The following MTRF1 variants were observed in gnomAD, a reference collection of about 807,000 sequenced individuals.
MTRF1 encodes mitochondrial translation release factor 1.
A neutral mutation model predicts 62.9 loss-of-function variants in MTRF1; 51 were observed. The observed-to-expected ratio is 0.81, with a 90% confidence interval of 0.65 to 1.02. The LOEUF (loss-of-function observed/expected upper bound fraction) is 1.02, where lower values mean the gene tolerates loss of function less well. Among genes scored for constraint, MTRF1 ranks in the 50% least tolerant of loss-of-function variants. The pLI, the probability that MTRF1 is intolerant of heterozygous loss-of-function variation, is 0.00. For synonymous variants in MTRF1, 158 were observed against 181.9 expected, an observed-to-expected ratio of 0.87 and a Z score of 1.06; for missense variants, 446 against 530.0, an observed-to-expected ratio of 0.84 and a Z score of 1.56.
the MTRF1 span, among the ~76,000 whole-genome samples, chr13:41,283,716 A>C: frequency 2.1e-5 from 3 of 143,930 alleles, no homozygotes; most frequent in African/African-American, 7.8e-5. Flanking sequence ...CAGCCTCCCG[A>C]GTAGCTGGGA....
At chr13:41,249,009 A>G (rs1047142948) in intron 5 of MTRF1, among the ~76,000 whole-genome samples, 1 of 152,142 alleles carries the variant, frequency 6.6e-6, no homozygotes, top group Admixed American at 6.6e-5. Flanking sequence ...AAATGACATG[A>G]CTTTGAAAGT....
At chr13:41,247,049 G>C (rs2038362341) in intron 5 of MTRF1, among the ~76,000 whole-genome samples, 1 of 152,220 alleles carries the variant, frequency 6.6e-6, no homozygotes, top group Non-Finnish European at 1.5e-5. Context: ...AGTGCCTCAA[G>C]GCATATGCAG....
chr13:41,304,613 G>C, the MTRF1 span, among the ~76,000 whole-genome samples: 2 of 152,244 alleles, frequency 1.3e-5, no homozygotes, highest in Non-Finnish European at 2.9e-5. Context: ...GTACATGCCA[G>C]AGAACAAAGG....
chr13:41,301,927 C>T, the MTRF1 span, among the ~76,000 whole-genome samples: 22 of 152,082 alleles, frequency 1.4e-4, no homozygotes, highest in African/African-American at 5.1e-4. Context: ...GTTGATCTTT[C>T]CTGGCTATTT....
Position 41,226,525 on chromosome 13 carries a change from A to T in MTRF1, c.1032T>A (p.Asn344Lys). 1 of 1,613,858 alleles carries T rather than the reference A, an allele frequency of 6.2e-7. No individual in the cohort carries two copies. Among genetic ancestry groups the T allele is most frequent in the East Asian group, 2.2e-5 (1 of 44,862 alleles). Residue 344 changes from asparagine (N) to lysine (K), a missense_variant, in exon 8 of 10, where the codon AAT becomes AAA. By Grantham distance (94) the Asn-to-Lys change is moderately conservative. Coordinates refer to ENST00000379480, the MANE Select transcript of MTRF1 (RefSeq NM_004294.4). ...ECQQERSQIK[N>K]KEIAFRVLRA... is the part of the protein sequence containing the mutation. ...TCAACACACGAAAGGCTATTTCTTT[A>T]TTTTTTATCTGTGATCTTTCTTGTT...
At position 41,244,326 on chromosome 13, in the gene MTRF1, C is replaced by T. The variant is rs7989132; in HGVS notation, c.698-3893G>A. Among the ~76,000 whole-genome samples, 709 of 152,332 alleles carry T rather than the reference C, an allele frequency of 4.7e-3. 6 individuals are homozygous for T. Among genetic ancestry groups the T allele is most frequent in the African/African-American group, 0.016 (650 of 41,578 alleles). The stretch of plus-strand genomic sequence containing the variant: ...ATAAGTCTCAAGGTCTTTGTTTCTA[C>T]GTGCCTAATGGGTCTTTTCCCTTTT... On this transcript the variant is annotated intron_variant, in intron 5 of 9. Transcript: ENST00000379480.
the MTRF1 span, among the ~76,000 whole-genome samples, chr13:41,293,464 C>G: frequency 1.3e-5 from 2 of 152,142 alleles, no homozygotes; most frequent in Non-Finnish European, 2.9e-5. Flanking sequence ...ATATCTGAAG[C>G]TGTCATGGTT....
chr13:41,309,942 G>A, the MTRF1 span, among the ~76,000 whole-genome samples: 1 of 152,306 alleles, frequency 6.6e-6, no homozygotes, highest in Middle Eastern at 3.4e-3. Context: ...GTTACAGGGA[G>A]CTGAGATAGC....
chr13:41,260,969 C>G, intron 1 of MTRF1, 54 bp from the exon 2 acceptor site: 1 of 1,427,724 alleles, frequency 7.0e-7, no homozygotes, highest in Non-Finnish European at 9.4e-7. Context: ...AAGATACATG[C>G]ATAATAAACC....
At chr13:41,227,040 G>A (rs572547829) in intron 7 of MTRF1, among the ~76,000 whole-genome samples, 4 of 152,006 alleles carry the variant, frequency 2.6e-5, no homozygotes, top group African/African-American at 4.8e-5. Flanking sequence ...CCTGTAATCC[G>A]AGGATTTTGG....
At chr13:41,252,902 T>G in intron 4 of MTRF1, 47 bp downstream of exon 4, 1 of 1,465,068 alleles carries the variant, frequency 6.8e-7, no homozygotes, top group Non-Finnish European at 9.4e-7. Flanking sequence ...TAAGGTAAAA[T>G]TCAAGGACTT....
the MTRF1 span, among the ~76,000 whole-genome samples, chr13:41,309,918 C>T: frequency 3.9e-5 from 6 of 152,240 alleles, no homozygotes; most frequent in African/African-American, 1.4e-4. Flanking sequence ...ATCGCTTGAA[C>T]CTGGGAGGCG....
chr13:41,218,184 C>T (rs9590575), intron 9 of MTRF1, among the ~76,000 whole-genome samples: 6 of 150,538 alleles, frequency 4.0e-5, no homozygotes, highest in Admixed American at 2.0e-4. Flanking sequence ...GGTGTGATCT[C>T]GGCTCACTGC....
the MTRF1 span, among the ~76,000 whole-genome samples, chr13:41,284,863 C>A: frequency 6.6e-6 from 1 of 152,028 alleles, no homozygotes; most frequent in Non-Finnish European, 1.5e-5. Context: ...CATGTTGGCC[C>A]GGCTGGTCTT....
intron 6 of MTRF1, among the ~76,000 whole-genome samples, chr13:41,239,313 A>G (rs1203025399): frequency 6.6e-6 from 1 of 152,204 alleles, no homozygotes; most frequent in African/African-American, 2.4e-5. Context: ...GATATTAGAT[A>G]TTATACAATT....
chr13:41,271,795 G>C, the MTRF1 span, among the ~76,000 whole-genome samples: 1 of 152,172 alleles, frequency 6.6e-6, no homozygotes, highest in East Asian at 1.9e-4. Context: ...TTGGAACTGA[G>C]AAAACTCAGT....
At chr13:41,309,642 T>G in the MTRF1 span, among the ~76,000 whole-genome samples, 1 of 151,742 alleles carries the variant, frequency 6.6e-6, no homozygotes, top group Non-Finnish European at 1.5e-5. Flanking sequence ...CGTAGGAGAT[T>G]GAAAGAAAAA....
intron 7 of MTRF1, among the ~76,000 whole-genome samples, chr13:41,228,479 T>C (rs1416812156): frequency 1.3e-5 from 2 of 152,080 alleles, no homozygotes; most frequent in Non-Finnish European, 2.9e-5. Context: ...GGTAGGAGGA[T>C]GACTTGAGCC....
chr13:41,246,370 T>C (rs1446203758), intron 5 of MTRF1, among the ~76,000 whole-genome samples: 1 of 152,184 alleles, frequency 6.6e-6, no homozygotes, highest in African/African-American at 2.4e-5. Context: ...CTGAAAACTA[T>C]GCTGCTACTG....
Sources: allele counts gnomAD v4.1 joint callset (sites outside exome capture counted in the v4.1 genomes callset), GRCh38; gene constraint gnomAD v4.1.1; transcripts MANE v1.5; gene names NCBI Gene and HGNC (gene_info 2026-07-23, HGNC 2026-07-21).